The following VDAC1 variants were observed in gnomAD, a reference collection of about 807,000 sequenced individuals.
The protein encoded by VDAC1 is voltage dependent anion channel 1.
Under a neutral mutation model 34.7 loss-of-function variants are expected in VDAC1, and 10 were observed. The observed-to-expected ratio is 0.29, with a 90% CI of 0.18 to 0.49. The LOEUF is 0.49. Ranked by LOEUF, VDAC1 falls within the 20% of genes least tolerant of loss-of-function variation. VDAC1 has a pLI of 0.99. For missense variants in VDAC1, 230 were observed against 347.9 expected, an observed-to-expected ratio of 0.66 and a Z score of 2.69; for synonymous variants, 130 against 136.0, an observed-to-expected ratio of 0.96 and a Z score of 0.30.
chr5:133,987,216 C>G (rs779961727), intron 5 of VDAC1, among the ~76,000 whole-genome samples: 2 of 151,920 alleles, frequency 1.3e-5, no homozygotes, highest in Non-Finnish European at 2.9e-5. Flanking sequence ...TAAAAATCAA[C>G]CAGGGGTGGC....
At chr5:134,114,384 G>A in the VDAC1 span, among the ~76,000 whole-genome samples, 1 of 152,138 alleles carries the variant, frequency 6.6e-6, no homozygotes, top group African/African-American at 2.4e-5. Context: ...AAGGGCCTAG[G>A]GGACCCCCGC....
the VDAC1 span, among the ~76,000 whole-genome samples, chr5:134,033,864 C>A: frequency 1.1e-4 from 16 of 151,426 alleles, no homozygotes; most frequent in South Asian, 6.6e-4. Context: ...TGGTGGCAGG[C>A]GCCTGTAGTC....
the VDAC1 span, among the ~76,000 whole-genome samples, chr5:134,100,136 T>C: frequency 5.2e-4 from 79 of 152,334 alleles, 2 homozygotes; most frequent in South Asian, 0.016. Context: ...CACCTCCTTC[T>C]CACAAGGAGT....
the VDAC1 span, among the ~76,000 whole-genome samples, chr5:134,023,480 TA>T: frequency 1.8e-3 from 248 of 135,186 alleles, no homozygotes; most frequent in Admixed American, 2.1e-3. Flanking sequence ...GAACTTAAAG[TA>T]AAAAAAAAAA....
intron 7 of VDAC1, among the ~76,000 whole-genome samples, chr5:133,974,654 T>G (rs1230595560): frequency 2.6e-5 from 4 of 152,220 alleles, no homozygotes; most frequent in Admixed American, 2.6e-4. Context: ...TCCTCATTTG[T>G]AAAAACAGAG....
the VDAC1 span, among the ~76,000 whole-genome samples, chr5:134,060,681 G>A: frequency 6.6e-6 from 1 of 151,530 alleles, no homozygotes; most frequent in African/African-American, 2.4e-5. Context: ...TAGTAAAATG[G>A]TCTTGGTAAA....
chr5:134,051,649 C>T, the VDAC1 span, among the ~76,000 whole-genome samples: 1 of 151,092 alleles, frequency 6.6e-6, no homozygotes, highest in Non-Finnish European at 1.5e-5. Context: ...ACACACTACC[C>T]CTAGTGCCTG....
chr5:134,113,998 C>T, the VDAC1 span, among the ~76,000 whole-genome samples: 1 of 152,288 alleles, frequency 6.6e-6, no homozygotes, highest in East Asian at 1.9e-4. Context: ...CTTGGAGGAT[C>T]GGCTGAGGTC....
chr5:134,011,115 T>C, the VDAC1 span, among the ~76,000 whole-genome samples: 1 of 152,250 alleles, frequency 6.6e-6, no homozygotes, highest in South Asian at 2.1e-4. Context: ...TCTTGGCCAC[T>C]TGTATGTCTT....
intron 1 of VDAC1, among the ~76,000 whole-genome samples, chr5:134,000,592 C>T (rs1020659589): frequency 2.6e-5 from 4 of 152,174 alleles, no homozygotes; most frequent in African/African-American, 9.7e-5. Context: ...GGCAGGAAGC[C>T]TCGGGAATCA....
the VDAC1 span, among the ~76,000 whole-genome samples, chr5:134,076,538 C>T: frequency 1.2e-3 from 183 of 152,332 alleles, no homozygotes; most frequent in African/African-American, 3.8e-3. Context: ...TGCTCTCGCC[C>T]GAGCACCCAG....
At chr5:134,039,526 T>C in the VDAC1 span, among the ~76,000 whole-genome samples, 1 of 151,750 alleles carries the variant, frequency 6.6e-6, no homozygotes, top group Non-Finnish European at 1.5e-5. Flanking sequence ...GACGGGGGTT[T>C]CACCGTGTTA....
chr5:134,008,021 T>C (rs1361425658), upstream of VDAC1, among the ~76,000 whole-genome samples: 1 of 152,172 alleles, frequency 6.6e-6, no homozygotes, highest in African/African-American at 2.4e-5. Flanking sequence ...GTCAGCAAGC[T>C]TTCATGGAGC....
upstream of VDAC1, among the ~76,000 whole-genome samples, chr5:134,006,218 G>A (rs1317967203): frequency 6.6e-6 from 1 of 152,132 alleles, no homozygotes; most frequent in African/African-American, 2.4e-5. Flanking sequence ...CCTCCCAGGC[G>A]CACGAGTTGC....
At chr5:134,109,627 G>A in the VDAC1 span, among the ~76,000 whole-genome samples, 5 of 152,170 alleles carry the variant, frequency 3.3e-5, no homozygotes, top group East Asian at 1.9e-4. Context: ...AAAATTAGCC[G>A]AGCGTGGTGG....
chr5:134,015,070 G>A, the VDAC1 span, among the ~76,000 whole-genome samples: 4 of 152,166 alleles, frequency 2.6e-5, no homozygotes, highest in Admixed American at 1.3e-4. Flanking sequence ...CAACATGGAT[G>A]CAGCTGGAGG....
At chr5:134,007,242 C>CAA (rs56702014), upstream of VDAC1, among the ~76,000 whole-genome samples, 92 of 120,238 alleles carry the variant, frequency 7.7e-4, 1 homozygote, top group Non-Finnish European at 1.2e-3. Flanking sequence ...GAAACTCTGC[C>CAA]AAAAAAAAAA....
the VDAC1 span, among the ~76,000 whole-genome samples, chr5:134,046,385 G>A: frequency 1.3e-5 from 2 of 151,708 alleles, no homozygotes; most frequent in Admixed American, 6.6e-5. Context: ...TGCCCAGGCT[G>A]GTCTTGAACT....
the VDAC1 span, among the ~76,000 whole-genome samples, chr5:134,029,245 A>T: frequency 6.6e-6 from 1 of 152,180 alleles, no homozygotes; most frequent in Admixed American, 6.5e-5. Context: ...CAACCTCTTG[A>T]TTGCAGCTTC....
Sources: gnomAD v4.1 joint callset for allele counts (sites outside exome capture counted in the v4.1 genomes callset) on GRCh38, gnomAD v4.1.1 for gene constraint, MANE v1.5 for transcripts, NCBI Gene and HGNC (gene_info 2026-07-23, HGNC 2026-07-21) for gene names.